The following CLOCK variants were observed in gnomAD, a reference collection of about 807,000 sequenced individuals.
The protein encoded by CLOCK is circadian locomoter output cycles protein kaput.
Under a neutral mutation model 118.4 loss-of-function variants are expected in CLOCK, and 43 were observed. The ratio of observed to expected loss-of-function variants is 0.36; its 90% CI spans 0.28 to 0.47. The LOEUF is 0.47. CLOCK is among the 20% of genes least tolerant of loss of function. CLOCK has a pLI of 1.00. For synonymous variants in CLOCK, 326 were observed against 339.2 expected, an observed-to-expected ratio of 0.96 and a Z score of 0.43; for missense variants, 846 against 999.9, an observed-to-expected ratio of 0.85 and a Z score of 2.08.
chr4:55,479,550 G>T, intron 5 of CLOCK, 90 bp downstream of exon 5: 1 of 1,089,840 alleles, frequency 9.2e-7, no homozygotes, highest in Non-Finnish European at 1.4e-6. Flanking sequence ...AAAGCACATA[G>T]CTTTTGGAAA....
chr4:55,437,244 A>G (rs1255945705), intron 22 of CLOCK, among the ~76,000 whole-genome samples: 1 of 152,212 alleles, frequency 6.6e-6, no homozygotes, highest in African/African-American at 2.4e-5. Context: ...GACTATATTT[A>G]TGCCTGAATA....
intron 2 of CLOCK, among the ~76,000 whole-genome samples, chr4:55,502,519 C>T (rs936848783): frequency 6.6e-6 from 1 of 152,088 alleles, no homozygotes; most frequent in African/African-American, 2.4e-5. Context: ...ATAAAATGAA[C>T]TATGAGGCTT....
At chr4:55,537,523 T>A (rs1730984246) in intron 1 of CLOCK, among the ~76,000 whole-genome samples, 1 of 151,920 alleles carries the variant, frequency 6.6e-6, no homozygotes. Context: ...TAGACTCTGG[T>A]GCGAGGATCT....
chr4:55,534,929 ATTTTT>A (rs34133453), intron 1 of CLOCK, among the ~76,000 whole-genome samples: 2 of 134,244 alleles, frequency 1.5e-5, no homozygotes, highest in Admixed American at 7.8e-5. Context: ...TAAAGTGAGA[ATTTTT>A]TTTTTTTTTT....
intron 21 of CLOCK, among the ~76,000 whole-genome samples, chr4:55,440,098 A>T (rs1157804961): frequency 6.6e-6 from 1 of 152,186 alleles, no homozygotes; most frequent in Non-Finnish European, 1.5e-5. Flanking sequence ...TATGTGGCAC[A>T]TGATTCATCT....
Position 55,454,953 on chromosome 4 carries a change from G to C in CLOCK, c.982+944C>G, listed in dbSNP as rs561705709. Among the ~76,000 whole-genome samples the C allele has an allele frequency of 3.3e-5, 5 of 151,180 alleles. No homozygotes were observed. The South Asian group carries it at 6.3e-4, about 19-fold the overall frequency. ...AAAGTTACCCAGCTAGTTAATAGAG[G>C]TATCAGCTCTTTAGACAACATCATG... On this transcript the variant is annotated intron_variant, in intron 13 of 22. Transcript: ENST00000513440.
At position 55,435,126 on chromosome 4, in the gene CLOCK, G is replaced by A. The variant is rs1348999139; in HGVS notation, c.*289C>T. 2 of 407,878 alleles carry A rather than the reference G, an allele frequency of 4.9e-6. No individual in the cohort carries two copies. The highest frequency in any genetic ancestry group is 9.3e-6 in the Non-Finnish European group (2 of 215,152). The allele number at this position is 407,878 out of a possible 1,614,324, so 25.3% of individuals were successfully genotyped here. On this transcript the variant is annotated 3_prime_UTR_variant, in exon 23 of 23. Coordinates refer to ENST00000513440, the MANE Select transcript of CLOCK (RefSeq NM_004898.4). ...TCCCTGGAGGTCATTTCATAGCTGA[G>A]CTTCTTAATATTTGGCAATATATTC...
At chr4:55,456,505 T>C (rs1181451179) in intron 11 of CLOCK, among the ~76,000 whole-genome samples, 1 of 151,862 alleles carries the variant, frequency 6.6e-6, no homozygotes, top group Admixed American at 6.6e-5. Context: ...CTACTAAAAA[T>C]ACAAAAAATA....
intron 2 of CLOCK, among the ~76,000 whole-genome samples, chr4:55,506,500 TA>T (rs879680909): frequency 5.3e-5 from 8 of 151,990 alleles, no homozygotes; most frequent in Non-Finnish European, 7.4e-5. Context: ...AAGACTTAAA[TA>T]AAAAAAATAC....
chr4:55,453,884 T>A, intron 13 of CLOCK, 60 bp from the exon 14 acceptor site: 1 of 1,290,480 alleles, frequency 7.7e-7, no homozygotes, highest in Non-Finnish European at 1.1e-6. Flanking sequence ...GATTGTTTTT[T>A]AACCAAAAGC....
intron 2 of CLOCK, among the ~76,000 whole-genome samples, chr4:55,502,523 G>A (rs1728507653): frequency 6.6e-6 from 1 of 152,094 alleles, no homozygotes; most frequent in Non-Finnish European, 1.5e-5. Flanking sequence ...AATGAACTAT[G>A]AGGCTTACAT....
At chr4:55,462,107 TTTAA>T in intron 9 of CLOCK, among the ~76,000 whole-genome samples, 2 of 152,350 alleles carry the variant, frequency 1.3e-5, no homozygotes, top group Middle Eastern at 3.4e-3. Flanking sequence ...CAGCAAGCCA[TTTAA>T]TTAAGACTTT....
At chr4:55,446,469 G>A (rs1723860609) in intron 18 of CLOCK, among the ~76,000 whole-genome samples, 1 of 152,064 alleles carries the variant, frequency 6.6e-6, no homozygotes, top group South Asian at 2.1e-4. Context: ...ATGTGTACAT[G>A]AGTAGAATTA....
intron 2 of CLOCK, among the ~76,000 whole-genome samples, chr4:55,503,979 A>AAAAG (rs1728603869): frequency 1.3e-4 from 5 of 38,434 alleles, no homozygotes; most frequent in African/African-American, 2.3e-4. Context: ...AAAAAGAGGT[A>AAAAG]AAAAAAAAAA....
chr4:55,504,636 C>T (rs1728681915), intron 2 of CLOCK, among the ~76,000 whole-genome samples: 1 of 151,992 alleles, frequency 6.6e-6, no homozygotes, highest in Non-Finnish European at 1.5e-5. Flanking sequence ...TATTAAAGTA[C>T]AGGATCAATA....
At chr4:55,522,617 G>A (rs946207930) in intron 1 of CLOCK, among the ~76,000 whole-genome samples, 1 of 151,778 alleles carries the variant, frequency 6.6e-6, no homozygotes, top group Admixed American at 6.6e-5. Flanking sequence ...TACCCCTTAA[G>A]GAACAGTAAG....
chr4:55,519,488 A>AGT (rs1312438479), intron 1 of CLOCK, among the ~76,000 whole-genome samples: 3 of 152,174 alleles, frequency 2.0e-5, no homozygotes, highest in Non-Finnish European at 2.9e-5. Context: ...GGCAGATCTT[A>AGT]AGAATAAATG....
At chr4:55,456,495 C>G (rs1294103215) in intron 11 of CLOCK, among the ~76,000 whole-genome samples, 195 bp from the exon 12 acceptor site, 3 of 152,028 alleles carry the variant, frequency 2.0e-5, no homozygotes, top group African/African-American at 7.2e-5. Flanking sequence ...AACCCGATTT[C>G]TACTAAAAAT....
chr4:55,526,705 T>C (rs892699450), intron 1 of CLOCK, among the ~76,000 whole-genome samples: 61 of 151,878 alleles, frequency 4.0e-4, no homozygotes, highest in African/African-American at 1.4e-3. Context: ...TCCCAGCACT[T>C]TGGGAGGTCG....
Sources: gnomAD v4.1 joint callset for allele counts (sites outside exome capture counted in the v4.1 genomes callset) on GRCh38, gnomAD v4.1.1 for gene constraint, MANE v1.5 for transcripts, NCBI Gene and HGNC (gene_info 2026-07-23, HGNC 2026-07-21) for gene names.